Variants in DCUN1D3 observed in about 807,000 individuals in gnomAD.
DCUN1D3 encodes the protein DCN1-like protein 3.
A neutral mutation model predicts 24.8 loss-of-function variants in DCUN1D3; 6 were observed. That is an observed-to-expected ratio of 0.24 (90% CI 0.13 to 0.48). The LOEUF is 0.48. Ranked by LOEUF, DCUN1D3 falls within the 20% of genes least tolerant of loss-of-function variation. The pLI is 0.99. For synonymous variants in DCUN1D3, 120 were observed against 144.9 expected, an observed-to-expected ratio of 0.83 and a Z score of 1.24; for missense variants, 258 against 379.4, an observed-to-expected ratio of 0.68 and a Z score of 2.66.
At chr16:20,887,410 A>AT (rs2081872580) in intron 1 of DCUN1D3, among the ~76,000 whole-genome samples, 1 of 152,272 alleles carries the variant, frequency 6.6e-6, no homozygotes, top group African/African-American at 2.4e-5. Flanking sequence ...ACACATGAGT[A>AT]TTCATTTCAG....
chr16:20,885,116 C>T (rs906310848), intron 1 of DCUN1D3, among the ~76,000 whole-genome samples: 19 of 151,822 alleles, frequency 1.3e-4, no homozygotes, highest in South Asian at 6.2e-4. Flanking sequence ...GCTGGGACTA[C>T]GGGCACCCGC....
At chr16:20,879,606 A>C (rs2081832779) in intron 1 of DCUN1D3, among the ~76,000 whole-genome samples, 1 of 152,244 alleles carries the variant, frequency 6.6e-6, no homozygotes. Flanking sequence ...GCAAAAGCCA[A>C]ATGCAGGCAT....
chr16:20,855,882 AG>A lies in DCUN1D3; in HGVS notation c.*4003del, dbSNP rs2081700338. The A allele has an allele frequency of 6.6e-6, 1 of 152,228 alleles. No homozygotes were observed. The highest frequency in any genetic ancestry group is 6.5e-5 in the Admixed American group (1 of 15,286). The allele number at this position is 152,228 out of a possible 1,614,324, so 9.4% of individuals were successfully genotyped here. A position where few individuals can be genotyped will look rare whatever the true frequency, so the allele number is the denominator to read the frequency against. ...AATAGTCCTTTCAGTCGTTTAAACAAGATACTGCTGGAGTCCTCCAAGAAGA... is the reference window on the plus strand; with the variant it reads ...AATAGTCCTTTCAGTCGTTTAAACAAATACTGCTGGAGTCCTCCAAGAAGA... On this transcript the variant is annotated 3_prime_UTR_variant, in exon 3 of 3. Transcript: ENST00000324344.
intron 1 of DCUN1D3, among the ~76,000 whole-genome samples, chr16:20,867,900 T>C (rs1294363587): frequency 6.6e-6 from 1 of 152,224 alleles, no homozygotes; most frequent in African/African-American, 2.4e-5. Context: ...CCAGTAATGC[T>C]TGGAGGATCA....
rs2081702856 is a variant in DCUN1D3, at chr16:20,856,368, G to T, written c.*3518C>A. 6.6e-6 allele frequency: 1 copy of T among 152,148 alleles called. No homozygotes were observed. The highest frequency in any genetic ancestry group is 1.5e-5 in the Non-Finnish European group (1 of 68,028). 9.4% of individuals were successfully genotyped at this position (152,148 alleles called of 1,614,324 possible). ...TGAGGCCATCGAGTGTAACTACTAT[G>T]GGACTCCATTTTGGCACCAGCCCCT... is the stretch of plus-strand genomic sequence containing the variant. On this transcript the variant is annotated 3_prime_UTR_variant, in exon 3 of 3. Coordinates refer to ENST00000324344, the MANE Select transcript of DCUN1D3 (RefSeq NM_173475.4).
chr16:20,894,202 G>A (rs2081905073), intron 1 of DCUN1D3, among the ~76,000 whole-genome samples: 1 of 152,116 alleles, frequency 6.6e-6, no homozygotes, highest in Non-Finnish European at 1.5e-5. Context: ...CTGGGAGGTC[G>A]AGGCTGCCGT....
intron 1 of DCUN1D3, among the ~76,000 whole-genome samples, chr16:20,894,931 C>T (rs188232127): frequency 6.6e-6 from 1 of 152,150 alleles, no homozygotes; most frequent in African/African-American, 2.4e-5. Context: ...CTTTCATTTT[C>T]AGTGCAATTG....
In DCUN1D3 at chr16:20,860,580, T is replaced by C. The variant is rs940108190; in HGVS notation, c.432-211A>G. On this transcript the variant is annotated intron_variant, in intron 2 of 2. Coordinates refer to ENST00000324344, the MANE Select transcript of DCUN1D3 (RefSeq NM_173475.4). This position sits in a 1 kb window ranked among gnomAD's most constrained non-coding sequence, Gnocchi z 4.3. ...TTGGTGAGGACTAAACAAATTACTA[T>C]TCTGCTTCTAACAGTGCCTGGCACA... is the stretch of plus-strand genomic sequence containing the variant. Among the ~76,000 whole-genome samples, 13 of 152,238 alleles carry C rather than the reference T, an allele frequency of 8.5e-5. No homozygotes were observed. Among genetic ancestry groups the C allele is most frequent in the African/African-American group, 2.7e-4 (11 of 41,460 alleles).
Position 20,855,094 on chromosome 16 carries a change from A to C in DCUN1D3, c.*4792T>G, listed in dbSNP as rs930001662. 2.0e-5 allele frequency: 3 copies of C among 152,574 alleles called. No individual in the cohort carries two copies. The highest frequency in any genetic ancestry group is 1.3e-4 in the Admixed American group (2 of 15,278). 9.5% of individuals were successfully genotyped at this position (152,574 alleles called of 1,614,324 possible). On this transcript the variant is annotated 3_prime_UTR_variant, in exon 3 of 3. Transcript: ENST00000324344. ...TGCAGAAAATACAAACAAAAGTATT[A>C]ACTTTTGTCAAGTTTGTACAACCTC...
rs566157105 is a variant in DCUN1D3 at position 20,874,263 on chromosome 16, A to G, written c.-105-11620T>C. Among the ~76,000 whole-genome samples the G allele has an allele frequency of 8.5e-5, 13 of 152,336 alleles. No homozygotes were observed. The South Asian group carries it at 2.5e-3, about 29-fold the overall frequency. ...GACCCTTAGCTGAACAACAGGACCA[A>G]TGATCCCAAGTTCATGAAAGCTGTC... On this transcript the variant is annotated intron_variant, in intron 1 of 2. Transcript: ENST00000324344.
intron 1 of DCUN1D3, among the ~76,000 whole-genome samples, chr16:20,867,266 C>T (rs927205003): frequency 5.9e-5 from 9 of 152,088 alleles, no homozygotes; most frequent in Admixed American, 2.6e-4. Flanking sequence ...CATGACGGAC[C>T]GGCCCCAAGT....
rs570376325 is a variant in DCUN1D3 at position 20,855,961 on chromosome 16, C to T, written c.*3925G>A. 1 of 152,184 alleles carries T rather than the reference C, an allele frequency of 6.6e-6. No individual in the cohort carries two copies. The highest frequency in any genetic ancestry group is 6.5e-5 in the Admixed American group (1 of 15,282). The allele number at this position is 152,184 out of a possible 1,614,324, so 9.4% of individuals were successfully genotyped here. ...CCCCAAGGAAGACCTTTGTCAGTTA[C>T]CAAGATGCTCAAGTCATAGCTAACC... On this transcript the variant is annotated 3_prime_UTR_variant, in exon 3 of 3. Coordinates refer to ENST00000324344, the MANE Select transcript of DCUN1D3 (RefSeq NM_173475.4).
chr16:20,888,514 A>C (rs2081877226), intron 1 of DCUN1D3, among the ~76,000 whole-genome samples: 1 of 152,212 alleles, frequency 6.6e-6, no homozygotes, highest in African/African-American at 2.4e-5. Flanking sequence ...AATGGAGTGC[A>C]GTGACACGAT....
intron 1 of DCUN1D3, 71 bp from the exon 2 acceptor site, chr16:20,862,714 C>A: frequency 7.5e-7 from 1 of 1,335,026 alleles, no homozygotes; most frequent in Non-Finnish European, 1.0e-6. Flanking sequence ...TTCTAGGGTG[C>A]ACACTGGTTC....
At chr16:20,898,349 T>G (rs2081928595) in intron 1 of DCUN1D3, among the ~76,000 whole-genome samples, 1 of 152,176 alleles carries the variant, frequency 6.6e-6, no homozygotes, top group Non-Finnish European at 1.5e-5. Flanking sequence ...GGGATATATA[T>G]TATGTCTCTC....
chr16:20,896,597 T>C (rs1041921025), intron 1 of DCUN1D3, among the ~76,000 whole-genome samples: 4 of 152,100 alleles, frequency 2.6e-5, no homozygotes, highest in African/African-American at 4.8e-5. Context: ...AACTGGCTGA[T>C]GAAACTTCAG....
intron 1 of DCUN1D3, among the ~76,000 whole-genome samples, chr16:20,878,524 T>A (rs930792419): frequency 1.3e-5 from 2 of 152,144 alleles, no homozygotes; most frequent in African/African-American, 4.8e-5. Context: ...CTGGGAACAC[T>A]CCAGTGAAAA....
At chr16:20,867,097 G>A (rs2081766049) in intron 1 of DCUN1D3, among the ~76,000 whole-genome samples, 1 of 152,172 alleles carries the variant, frequency 6.6e-6, no homozygotes, top group Non-Finnish European at 1.5e-5. Flanking sequence ...TTGGGGACAT[G>A]AACTCACATA....
intron 1 of DCUN1D3, among the ~76,000 whole-genome samples, chr16:20,884,209 G>T (rs796502348): frequency 6.6e-6 from 1 of 152,246 alleles, no homozygotes; most frequent in African/African-American, 2.4e-5. Flanking sequence ...ATAATCATTT[G>T]TATGACTAGG....
Sources: allele counts gnomAD v4.1 joint callset (sites outside exome capture counted in the v4.1 genomes callset), GRCh38; gene constraint gnomAD v4.1.1; non-coding constraint Gnocchi (gnomAD v3.1); transcripts MANE v1.5; gene names NCBI Gene and HGNC (gene_info 2026-07-23, HGNC 2026-07-21).